Variants in SLC25A40 observed in about 807,000 individuals in gnomAD.
SLC25A40 encodes the protein mitochondrial glutathione transporter SLC25A40.
SLC25A40 carries 41 observed loss-of-function variants against 46.5 expected under a neutral mutation model. The observed-to-expected ratio is 0.88, with a 90% CI of 0.69 to 1.14. The LOEUF (loss-of-function observed/expected upper bound fraction) is 1.14. SLC25A40 is among the 50% of genes most tolerant of loss of function. SLC25A40 has a pLI of 0.00. For missense variants in SLC25A40, 386 were observed against 393.6 expected (o/e 0.98, Z 0.16); for synonymous variants, 126 against 127.5 (o/e 0.99, Z 0.08).
chr7:87,856,484 A>T, intron 3 of SLC25A40, 133 bp from the exon 4 acceptor site: 1 of 802,476 alleles, frequency 1.2e-6, no homozygotes, highest in East Asian at 2.5e-5. Context: ...TTTATCTTAA[A>T]GTAGTCTTGA....
chr7:87,836,972 T>C, intron 10 of SLC25A40, 162 bp from the exon 11 acceptor site: 2 of 371,614 alleles, frequency 5.4e-6, no homozygotes, highest in Non-Finnish European at 4.8e-6. Flanking sequence ...TTTTAATAGT[T>C]AGATTCATTA....
intron 9 of SLC25A40, among the ~76,000 whole-genome samples, chr7:87,842,910 T>C (rs1000324195): frequency 3.9e-5 from 6 of 152,062 alleles, no homozygotes; most frequent in African/African-American, 1.4e-4. Context: ...TACTAATTGG[T>C]TTTTTTGTTC....
intron 8 of SLC25A40, among the ~76,000 whole-genome samples, chr7:87,846,712 C>A (rs1241270604): frequency 6.6e-6 from 1 of 151,624 alleles, no homozygotes; most frequent in Admixed American, 6.6e-5. Flanking sequence ...TGAATACCCA[C>A]TAATTAATGT....
chr7:87,854,794 A>G (rs1838579466), intron 4 of SLC25A40, among the ~76,000 whole-genome samples: 1 of 148,340 alleles, frequency 6.7e-6, no homozygotes, highest in Non-Finnish European at 1.5e-5. Flanking sequence ...CCTGGGCAAC[A>G]GAGCAAGACT....
chr7:87,839,010 G>C (rs914957092), intron 10 of SLC25A40, among the ~76,000 whole-genome samples: 1 of 151,444 alleles, frequency 6.6e-6, no homozygotes, highest in African/African-American at 2.4e-5. Context: ...GGATAGCCTG[G>C]TACATGTGCA....
At position 87,870,909 on chromosome 7, in the gene SLC25A40, C is replaced by T. The variant is rs149629534; in HGVS notation, c.-94+5187G>A. The stretch of plus-strand genomic sequence containing the variant: ...CAAGAACTCAGGTGCCACACATGAA[C>T]GTGTAAAAGGCCATCACACTGACCC... On this transcript the variant is annotated intron_variant, in intron 1 of 11. Coordinates refer to ENST00000341119, the MANE Select transcript of SLC25A40 (RefSeq NM_018843.4). 2.5e-3 allele frequency among the ~76,000 whole-genome samples: 384 copies of T among 152,240 alleles called. 10 individuals carry two copies. The highest frequency in any genetic ancestry group is 0.021 in the Admixed American group (324 of 15,292).
At chr7:87,843,944 T>A in intron 8 of SLC25A40, 81 bp from the exon 9 acceptor site, 1 of 1,390,102 alleles carries the variant, frequency 7.2e-7, no homozygotes, top group Non-Finnish European at 9.5e-7. Flanking sequence ...GGTTATATAT[T>A]CAGGGGATAG....
At chr7:87,842,654 CTA>C (rs1248402491) in intron 9 of SLC25A40, among the ~76,000 whole-genome samples, 1 of 152,002 alleles carries the variant, frequency 6.6e-6, no homozygotes, top group Non-Finnish European at 1.5e-5. Flanking sequence ...GAAACTCTTT[CTA>C]AAATGAGGTG....
intron 6 of SLC25A40, among the ~76,000 whole-genome samples, chr7:87,849,042 T>C (rs549419293): frequency 6.0e-4 from 91 of 152,340 alleles, no homozygotes; most frequent in Non-Finnish European, 1.1e-3. Flanking sequence ...ATTAACAGTT[T>C]ATCATATTAA....
intron 1 of SLC25A40, among the ~76,000 whole-genome samples, chr7:87,865,312 C>T (rs369510747): frequency 1.3e-5 from 2 of 152,176 alleles, no homozygotes; most frequent in African/African-American, 4.8e-5. Flanking sequence ...AAGCTCTACA[C>T]TTTAATACAT....
At chr7:87,873,940 C>T (rs761018011) in intron 1 of SLC25A40, among the ~76,000 whole-genome samples, 13 of 152,158 alleles carry the variant, frequency 8.5e-5, no homozygotes, top group Non-Finnish European at 1.5e-4. Flanking sequence ...TAAATGTCTA[C>T]CCTTCCTCTG....
intron 8 of SLC25A40, 62 bp downstream of exon 8, chr7:87,846,887 G>T: frequency 7.4e-7 from 1 of 1,358,612 alleles, no homozygotes; most frequent in African/African-American, 1.4e-5. Context: ...TCTAGTGACA[G>T]TAATATTTGA....
intron 6 of SLC25A40, among the ~76,000 whole-genome samples, chr7:87,849,594 T>C (rs546133188): frequency 6.6e-6 from 1 of 152,212 alleles, no homozygotes; most frequent in Non-Finnish European, 1.5e-5. Context: ...AGGGAGGACT[T>C]TGGAAGCCTA....
At chr7:87,870,177 A>C (rs1838874342) in intron 1 of SLC25A40, among the ~76,000 whole-genome samples, 1 of 150,772 alleles carries the variant, frequency 6.6e-6, no homozygotes, top group Non-Finnish European at 1.5e-5. Flanking sequence ...AATTCTTCAT[A>C]TTTTTTGGAT....
At chr7:87,866,930 C>A (rs529216470) in intron 1 of SLC25A40, among the ~76,000 whole-genome samples, 2 of 152,336 alleles carry the variant, frequency 1.3e-5, no homozygotes, top group African/African-American at 2.4e-5. Flanking sequence ...TGGGTGGAGC[C>A]CAAGAGTTCT....
At chr7:87,852,135 T>C (rs141343693) in intron 5 of SLC25A40, among the ~76,000 whole-genome samples, 5 of 152,352 alleles carry the variant, frequency 3.3e-5, no homozygotes, top group African/African-American at 9.6e-5. Flanking sequence ...ACATTAAAGA[T>C]GTTATTACCC....
intron 10 of SLC25A40, among the ~76,000 whole-genome samples, chr7:87,840,807 A>G (rs574598176): frequency 6.6e-6 from 1 of 151,946 alleles, no homozygotes; most frequent in African/African-American, 2.4e-5. Context: ...GATGTCACCA[A>G]CATCCATCAG....
In SLC25A40 at chr7:87,861,716, C is replaced by T. The variant is rs954699582; in HGVS notation, c.-93-1076G>A. Among the ~76,000 whole-genome samples the T allele has an allele frequency of 2.0e-5, 3 of 152,122 alleles. No individual in the cohort carries two copies. The East Asian group carries it at 5.8e-4, about 29-fold the overall frequency. On this transcript the variant is annotated intron_variant, in intron 1 of 11. Coordinates refer to ENST00000341119, the MANE Select transcript of SLC25A40 (RefSeq NM_018843.4). ...ATGCTAGAATATAGGTATACTTCTC[C>T]TCCAGAATGGTAAAACGGCCCACAG...
At chr7:87,859,230 G>A (rs1476795740) in intron 2 of SLC25A40, among the ~76,000 whole-genome samples, 9 of 152,162 alleles carry the variant, frequency 5.9e-5, no homozygotes, top group Admixed American at 3.3e-4. Flanking sequence ...CGAGGCGGGC[G>A]CATCATGAGG....
Sources: allele counts gnomAD v4.1 joint callset (sites outside exome capture counted in the v4.1 genomes callset), GRCh38; gene constraint gnomAD v4.1.1; transcripts MANE v1.5; gene names NCBI Gene and HGNC (gene_info 2026-07-23, HGNC 2026-07-21).